The following HMBOX1 variants were observed in gnomAD, a reference collection of about 807,000 sequenced individuals.
HMBOX1 encodes the protein homeobox-containing protein 1.
HMBOX1 carries 14 observed loss-of-function variants against 54.5 expected under a neutral mutation model. That is an observed-to-expected ratio of 0.26 (90% CI 0.17 to 0.40). HMBOX1 has a LOEUF of 0.40. HMBOX1 is among the 10% of genes least tolerant of loss of function. The pLI, the probability that HMBOX1 is intolerant of heterozygous loss-of-function variation, is 1.00. For missense variants in HMBOX1, 332 were observed against 514.4 expected, an observed-to-expected ratio of 0.65 and a Z score of 3.43; for synonymous variants, 160 against 181.0, an observed-to-expected ratio of 0.88 and a Z score of 0.93.
intron 6 of HMBOX1, among the ~76,000 whole-genome samples, chr8:29,032,352 A>C (rs111272412): frequency 0.017 from 2,657 of 152,168 alleles, 34 homozygotes; most frequent in Middle Eastern, 0.058. Context: ...TGTTTTGAAA[A>C]ATCTTTCTAG....
At position 28,929,942 on chromosome 8, in the gene HMBOX1, C is replaced by T. The variant is rs112773652; in HGVS notation, c.-57-33869C>T. ...TAACACCCCGCCCCCCGCCCGCCCC[C>T]CGCCCCGCCAATGGAGACTCTGTAA... is the stretch of plus-strand genomic sequence containing the variant. On this transcript the variant is annotated intron_variant, in intron 1 of 9. Coordinates refer to ENST00000287701, the MANE Select transcript of HMBOX1 (RefSeq NM_001135726.3). Among the ~76,000 whole-genome samples, 933 of 138,594 alleles carry T rather than the reference C, an allele frequency of 6.7e-3. 12 individuals are homozygous for T. The highest frequency in any genetic ancestry group is 0.063 in the East Asian group (263 of 4,166). The allele number at this position is 138,594 out of a possible 152,430, so 90.9% of individuals were successfully genotyped here. A position where few individuals can be genotyped will look rare whatever the true frequency, so the allele number is the denominator to read the frequency against.
At chr8:28,915,151 A>C (rs922012932) in intron 1 of HMBOX1, among the ~76,000 whole-genome samples, 2 of 152,222 alleles carry the variant, frequency 1.3e-5, no homozygotes, top group South Asian at 2.1e-4. Flanking sequence ...TCAACTTCCT[A>C]GAGCAACTCT....
At chr8:28,954,680 A>C (rs1397447573) in intron 1 of HMBOX1, among the ~76,000 whole-genome samples, 1 of 152,174 alleles carries the variant, frequency 6.6e-6, no homozygotes, top group Non-Finnish European at 1.5e-5. Flanking sequence ...ATCTGTCATA[A>C]CTTAAAATGT....
intron 1 of HMBOX1, among the ~76,000 whole-genome samples, chr8:28,928,944 T>C (rs558271375): frequency 1.7e-4 from 26 of 152,240 alleles, no homozygotes. Context: ...TGGGGATGTG[T>C]TGGTCAAAGG....
At chr8:28,914,218 A>G (rs988951810) in intron 1 of HMBOX1, among the ~76,000 whole-genome samples, 2 of 152,180 alleles carry the variant, frequency 1.3e-5, no homozygotes, top group African/African-American at 2.4e-5. Flanking sequence ...AAATCAGCCT[A>G]ACCACTTGAG....
rs1047675228 is a variant in HMBOX1, at chr8:28,896,714, T to C, written c.-58+6036T>C. On this transcript the variant is annotated intron_variant, in intron 1 of 9. Coordinates refer to ENST00000287701, the MANE Select transcript of HMBOX1 (RefSeq NM_001135726.3). ...CAATGTTTAATACAGTAACATGCTG[T>C]ACAGGTTTGTAGCCTAGGAGCAATA... 1.3e-4 allele frequency among the ~76,000 whole-genome samples: 16 copies of C among 123,884 alleles called. 1 individual carries two copies. Among genetic ancestry groups the C allele is most frequent in the Non-Finnish European group, 2.8e-4 (14 of 50,094 alleles). The allele number at this position is 123,884 out of a possible 152,430, so 81.3% of individuals were successfully genotyped here.
intron 5 of HMBOX1, among the ~76,000 whole-genome samples, chr8:29,015,270 C>A (rs1401386671): frequency 6.6e-6 from 1 of 152,182 alleles, no homozygotes. Flanking sequence ...ACTCTGCTTA[C>A]TAAGGAGCAT....
At chr8:28,994,627 C>T (rs1204720187) in intron 4 of HMBOX1, among the ~76,000 whole-genome samples, 3 of 152,044 alleles carry the variant, frequency 2.0e-5, no homozygotes, top group Non-Finnish European at 4.4e-5. Context: ...GGTCCAACTG[C>T]ATAAAAATTT....
chr8:29,021,288 G>A (rs903414729), intron 6 of HMBOX1, among the ~76,000 whole-genome samples: 1 of 152,132 alleles, frequency 6.6e-6, no homozygotes, highest in Non-Finnish European at 1.5e-5. Context: ...AAGAAAACAT[G>A]AGTGGTCCCT....
At chr8:28,992,181 A>G (rs1586329741) in intron 4 of HMBOX1, among the ~76,000 whole-genome samples, 1 of 152,172 alleles carries the variant, frequency 6.6e-6, no homozygotes, top group East Asian at 1.9e-4. Flanking sequence ...CTTACTTATT[A>G]TGTAACTTTG....
intron 1 of HMBOX1, among the ~76,000 whole-genome samples, chr8:28,944,906 TG>T (rs757474831): frequency 3.2e-4 from 49 of 152,140 alleles, no homozygotes; most frequent in Non-Finnish European, 5.3e-4. Context: ...CTGCAGTTGC[TG>T]GGGGAAAGCA....
intron 1 of HMBOX1, among the ~76,000 whole-genome samples, chr8:28,936,617 T>C (rs1820441331): frequency 6.6e-6 from 1 of 152,004 alleles, no homozygotes; most frequent in Non-Finnish European, 1.5e-5. Context: ...ATGAGAATGA[T>C]TTCATGTCAA....
intron 4 of HMBOX1, among the ~76,000 whole-genome samples, chr8:28,996,028 C>G (rs1035545355): frequency 6.6e-6 from 1 of 152,004 alleles, no homozygotes; most frequent in African/African-American, 2.4e-5. Flanking sequence ...ATGGCGTGAA[C>G]CCGGGAGGCA....
intron 1 of HMBOX1, among the ~76,000 whole-genome samples, chr8:28,895,438 G>A (rs377661001): frequency 3.1e-4 from 47 of 152,312 alleles, no homozygotes; most frequent in Middle Eastern, 3.4e-3. Context: ...ACTTTGGGAG[G>A]CTGAGGTGGG....
At chr8:29,030,419 AT>A (rs1420846528) in intron 6 of HMBOX1, among the ~76,000 whole-genome samples, 1 of 151,914 alleles carries the variant, frequency 6.6e-6, no homozygotes, top group Non-Finnish European at 1.5e-5. Flanking sequence ...GGGTTTCTCT[AT>A]GTTGGTCAGG....
At chr8:28,975,212 G>T (rs987237321) in intron 3 of HMBOX1, among the ~76,000 whole-genome samples, 11 of 152,182 alleles carry the variant, frequency 7.2e-5, no homozygotes, top group African/African-American at 2.7e-4. Context: ...TGTGCTGAAG[G>T]ACTAAGGACT....
intron 1 of HMBOX1, among the ~76,000 whole-genome samples, chr8:28,946,663 A>G (rs1822532745): frequency 6.6e-6 from 1 of 152,214 alleles, no homozygotes; most frequent in Non-Finnish European, 1.5e-5. Context: ...CATGCGATAT[A>G]AATTTAGCTC....
At chr8:28,994,628 A>G (rs1306594001) in intron 4 of HMBOX1, among the ~76,000 whole-genome samples, 1 of 152,220 alleles carries the variant, frequency 6.6e-6, no homozygotes, top group Non-Finnish European at 1.5e-5. Flanking sequence ...GTCCAACTGC[A>G]TAAAAATTTT....
chr8:29,000,521 A>T (rs1189151340), intron 4 of HMBOX1, among the ~76,000 whole-genome samples: 1 of 152,242 alleles, frequency 6.6e-6, no homozygotes, highest in Non-Finnish European at 1.5e-5. Context: ...AGTTGTTGTC[A>T]TTGCCTCAGG....
Sources: allele counts gnomAD v4.1 joint callset (sites outside exome capture counted in the v4.1 genomes callset), GRCh38; gene constraint gnomAD v4.1.1; transcripts MANE v1.5; gene names NCBI Gene and HGNC (gene_info 2026-07-23, HGNC 2026-07-21).